The following PFDN1 variants were observed in gnomAD, a reference collection of about 807,000 sequenced individuals.
PFDN1 encodes the protein prefoldin subunit 1, also known as prefoldin 1.
A neutral mutation model predicts 17.3 loss-of-function variants in PFDN1; 6 were observed. The ratio of observed to expected loss-of-function variants is 0.35; its 90% CI spans 0.19 to 0.69. The LOEUF (loss-of-function observed/expected upper bound fraction) is 0.69. PFDN1 is among the 30% of genes least tolerant of loss of function. The pLI is 0.65. For synonymous variants in PFDN1, 58 were observed against 50.1 expected (o/e 1.16, Z -0.67); for missense variants, 113 against 146.2 (o/e 0.77, Z 1.17).
At chr5:140,250,351 G>A (rs567611896) in intron 3 of PFDN1, among the ~76,000 whole-genome samples, 9 of 152,074 alleles carry the variant, frequency 5.9e-5, no homozygotes, top group South Asian at 2.1e-4. Context: ...TTTGCCCTTC[G>A]CTGTGCTCTC....
intron 3 of PFDN1, among the ~76,000 whole-genome samples, chr5:140,279,728 G>A (rs545974026): frequency 2.4e-4 from 36 of 151,806 alleles, no homozygotes; most frequent in East Asian, 1.2e-3. Context: ...AAGGCCAGGC[G>A]CAGTGGCCTA....
At chr5:140,262,789 T>C (rs1304013075) in intron 3 of PFDN1, among the ~76,000 whole-genome samples, 1 of 143,670 alleles carries the variant, frequency 7.0e-6, no homozygotes, top group Non-Finnish European at 1.5e-5. Context: ...ATCATTTGTG[T>C]AAAAAAAAAA....
intron 3 of PFDN1, among the ~76,000 whole-genome samples, chr5:140,269,151 C>T (rs1765171443): frequency 6.6e-6 from 1 of 151,760 alleles, no homozygotes; most frequent in Non-Finnish European, 1.5e-5. Flanking sequence ...TAGCTGGGAC[C>T]ACAGGCATGC....
At chr5:140,267,394 GC>G (rs1765147616) in intron 3 of PFDN1, among the ~76,000 whole-genome samples, 1 of 152,170 alleles carries the variant, frequency 6.6e-6, no homozygotes, top group African/African-American at 2.4e-5. Context: ...GACCACAGTT[GC>G]CTGGTTAATC....
At chr5:140,264,701 T>A (rs1398239759) in intron 3 of PFDN1, among the ~76,000 whole-genome samples, 1 of 151,448 alleles carries the variant, frequency 6.6e-6, no homozygotes, top group Non-Finnish European at 1.5e-5. Flanking sequence ...ATTAATTATC[T>A]GAGCATGGTA....
chr5:140,266,436 A>G (rs1378716794), intron 3 of PFDN1, among the ~76,000 whole-genome samples: 1 of 152,206 alleles, frequency 6.6e-6, no homozygotes, highest in Non-Finnish European at 1.5e-5. Context: ...ATGGGTAAAT[A>G]CGTCAATCTT....
At chr5:140,251,807 T>G (rs1337125607) in intron 3 of PFDN1, among the ~76,000 whole-genome samples, 1 of 152,166 alleles carries the variant, frequency 6.6e-6, no homozygotes, top group African/African-American at 2.4e-5. Flanking sequence ...GGAGTCAGAC[T>G]GAGGGGCTGG....
chr5:140,284,174 G>A (rs964395532), intron 2 of PFDN1, among the ~76,000 whole-genome samples: 1 of 152,166 alleles, frequency 6.6e-6, no homozygotes, highest in African/African-American at 2.4e-5. Flanking sequence ...ATCCTTTGAG[G>A]TAGCTATACT....
At chr5:140,284,532 T>C (rs891169319) in intron 2 of PFDN1, among the ~76,000 whole-genome samples, 1 of 152,256 alleles carries the variant, frequency 6.6e-6, no homozygotes, top group Non-Finnish European at 1.5e-5. Context: ...GGATTTATCA[T>C]GATAATATAA....
intron 3 of PFDN1, among the ~76,000 whole-genome samples, chr5:140,263,743 C>T (rs1239713329): frequency 2.6e-5 from 4 of 152,050 alleles, no homozygotes; most frequent in African/African-American, 7.2e-5. Flanking sequence ...TAGAAGGAGC[C>T]GGGCGTGGTG....
At chr5:140,260,496 A>G (rs1765049167) in intron 3 of PFDN1, among the ~76,000 whole-genome samples, 1 of 151,896 alleles carries the variant, frequency 6.6e-6, no homozygotes, top group African/African-American at 2.4e-5. Context: ...ATACAATGGA[A>G]TATTATTCAG....
intron 3 of PFDN1, chr5:140,273,985 G>A (rs1765251758): frequency 1.9e-6 from 1 of 532,612 alleles, no homozygotes; most frequent in Admixed American, 6.4e-5. Context: ...GTGTTCAAAT[G>A]TATCATTGAA....
chr5:140,248,930 T>G (rs1314737850), intron 3 of PFDN1, among the ~76,000 whole-genome samples: 1 of 152,268 alleles, frequency 6.6e-6, no homozygotes, highest in Non-Finnish European at 1.5e-5. Context: ...TCCTCTTGCC[T>G]TAGAGGCATG....
At position 140,260,192 on chromosome 5, in the gene PFDN1, AAAAAT is replaced by A. The variant is rs370494552; in HGVS notation, c.286-14140_286-14136del. ...CGTCTCTACTAAAAATATAAAAACA[AAAAAT>A]AAAATAAAATAAAATAAAAAACAGA... is the stretch of plus-strand genomic sequence containing the variant. On this transcript the variant is annotated intron_variant, in intron 3 of 3. Transcript: ENST00000261813. Among the ~76,000 whole-genome samples, 185 of 152,124 alleles carry A rather than the reference AAAAAT, an allele frequency of 1.2e-3. 1 individual carries two copies. Among genetic ancestry groups the A allele is most frequent in the African/African-American group, 3.1e-3 (129 of 41,458 alleles).
At position 140,254,365 on chromosome 5, in the gene PFDN1, T is replaced by C. The variant is rs1360322232; in HGVS notation, c.286-8308A>G. Among the ~76,000 whole-genome samples the C allele has an allele frequency of 6.6e-6, 1 of 152,176 alleles. No individual in the cohort carries two copies. Among genetic ancestry groups the C allele is most frequent in the Non-Finnish European group, 1.5e-5 (1 of 68,030 alleles). On this transcript the variant is annotated intron_variant, in intron 3 of 3. Transcript: ENST00000261813. The surrounding 1 kb of genome is among the most constrained non-coding windows in gnomAD (Gnocchi z 4.4). ...ACATTTCCATCTGTCCATCCTTCCA[T>C]CCACTCATTCAGCTCACTGCCAAAC...
intron 3 of PFDN1, among the ~76,000 whole-genome samples, chr5:140,247,290 AT>A (rs754490930): frequency 4.3e-3 from 611 of 141,960 alleles, no homozygotes; most frequent in Middle Eastern, 7.4e-3. Context: ...TGCCCGGCTA[AT>A]TTTTTTTTTT....
chr5:140,297,117 G>A (rs547046854), intron 2 of PFDN1, among the ~76,000 whole-genome samples: 333 of 152,318 alleles, frequency 2.2e-3, no homozygotes, highest in African/African-American at 7.3e-3. Flanking sequence ...AAGAAGCAAT[G>A]AGACCTGAAT....
chr5:140,279,525 G>C (rs1480894210), intron 3 of PFDN1, among the ~76,000 whole-genome samples: 4 of 151,262 alleles, frequency 2.6e-5, no homozygotes, highest in Non-Finnish European at 5.9e-5. Context: ...TCCCTAAAGA[G>C]ACAAGGTCTT....
chr5:140,282,396 G>A (rs1001692115), intron 2 of PFDN1, among the ~76,000 whole-genome samples: 1 of 131,756 alleles, frequency 7.6e-6, no homozygotes, highest in South Asian at 2.3e-4. Context: ...AAAGTGGAGC[G>A]CCCCTCCATT....
Sources: gnomAD v4.1 joint callset for allele counts (sites outside exome capture counted in the v4.1 genomes callset) on GRCh38, gnomAD v4.1.1 for gene constraint, Gnocchi (gnomAD v3.1) non-coding constraint, MANE v1.5 for transcripts, NCBI Gene and HGNC (gene_info 2026-07-23, HGNC 2026-07-21) for gene names.